PRKN: variants seen among roughly 807,000 people sequenced by gnomAD.
PRKN encodes E3 ubiquitin-protein ligase parkin.
In PRKN, 56 loss-of-function variants were observed where a neutral mutation model predicts 59.5. That is an observed-to-expected ratio of 0.94 (90% CI 0.76 to 1.18). The LOEUF is 1.18. PRKN is among the 50% of genes most tolerant of loss of function. PRKN has a pLI of 0.00. For synonymous variants in PRKN, 250 were observed against 222.1 expected (o/e 1.13, Z -1.12); for missense variants, 657 against 596.4 (o/e 1.10, Z -1.06).
intron 2 of PRKN, among the ~76,000 whole-genome samples, chr6:162,404,570 GTTT>G (rs1787967713): frequency 7.0e-6 from 1 of 141,946 alleles, no homozygotes; most frequent in African/African-American, 3.1e-5. Flanking sequence ...TGGGTTTTTG[GTTT>G]GTTTGTTTCA....
rs1438522412 is a variant in PRKN at position 161,451,923 on chromosome 6, TTTTTCTTTTCTTTTCTTTTACTTTTTTC to T, written c.1084-65074_1084-65047del. 6.8e-6 allele frequency among the ~76,000 whole-genome samples: 1 copy of T among 146,852 alleles called. No individual in the cohort carries two copies. Among genetic ancestry groups the T allele is most frequent in the South Asian group, 2.1e-4 (1 of 4,810 alleles). On this transcript the variant is annotated intron_variant, in intron 9 of 11. Coordinates refer to ENST00000366898, the MANE Select transcript of PRKN (RefSeq NM_004562.3). The surrounding 1 kb of genome is among the most constrained non-coding windows in gnomAD (Gnocchi z 5.9). ...AAATTTAAGACATTCTTTTTTTTCT[TTTTTCTTTTCTTTTCTTTTACTTTTTTC>T]TTTTCTTTTCTTTTCTTTTTTTGGG...
intron 1 of PRKN, among the ~76,000 whole-genome samples, chr6:162,650,736 C>T (rs1392525074): frequency 6.6e-6 from 1 of 151,966 alleles, no homozygotes; most frequent in East Asian, 1.9e-4. Context: ...TAATGTTTTT[C>T]TCCATTGGCT....
intron 7 of PRKN, among the ~76,000 whole-genome samples, chr6:161,570,146 A>AATATAT (rs1554277877): frequency 2.9e-4 from 22 of 76,584 alleles, no homozygotes; most frequent in African/African-American, 1.3e-3. Flanking sequence ...AAAAAAAAAA[A>AATATAT]ATATATATAT....
rs1179047987 is a variant in PRKN, at chr6:161,391,435, TG to T, written c.1084-4559del. Among the ~76,000 whole-genome samples the T allele has an allele frequency of 6.0e-5, 9 of 149,450 alleles. No homozygotes were observed. The highest frequency in any genetic ancestry group is 7.5e-5 in the Non-Finnish European group (5 of 66,928). ...CAAATGTGATCCATTTCCGTAGAGT[TG>T]TTTTTTTTTTTCGAGAAATTTTAAA... is the stretch of plus-strand genomic sequence containing the variant. On this transcript the variant is annotated intron_variant, in intron 9 of 11. Coordinates refer to ENST00000366898, the MANE Select transcript of PRKN (RefSeq NM_004562.3). This position sits in a 1 kb window ranked among gnomAD's most constrained non-coding sequence, Gnocchi z 4.9.
intron 1 of PRKN, among the ~76,000 whole-genome samples, chr6:162,661,302 C>A (rs1161650928): frequency 1.3e-5 from 2 of 152,068 alleles, no homozygotes; most frequent in African/African-American, 4.8e-5. Flanking sequence ...TTGGCCACCA[C>A]TGACTTCAGT....
intron 6 of PRKN, among the ~76,000 whole-genome samples, chr6:161,788,873 T>C (rs1360837327): frequency 6.6e-6 from 1 of 152,218 alleles, no homozygotes; most frequent in African/African-American, 2.4e-5. Flanking sequence ...CACAGTCAAC[T>C]TGGATATATA....
chr6:162,569,707 C>T lies in PRKN; in HGVS notation c.8-126234G>A, dbSNP rs551583449. 724 of 585,628 alleles carry T rather than the reference C, an allele frequency of 1.2e-3. 6 individuals are homozygous for T. The highest frequency in any genetic ancestry group is 0.012 in the South Asian group (699 of 60,312). 36.3% of individuals were successfully genotyped at this position (585,628 alleles called of 1,614,324 possible). On this transcript the variant is annotated intron_variant, in intron 1 of 11. Coordinates refer to ENST00000366898, the MANE Select transcript of PRKN (RefSeq NM_004562.3). ...GCGATGGGAAGCTGGTATCCGAGTC[C>T]TCTGATGTCCTTCCTAAGTGAACAG...
At chr6:161,621,069 T>A (rs1582902089) in intron 7 of PRKN, among the ~76,000 whole-genome samples, 1 of 152,026 alleles carries the variant, frequency 6.6e-6, no homozygotes, top group East Asian at 1.9e-4. Context: ...ATGCTTACCA[T>A]CAATGCCCCT....
At chr6:162,195,429 C>G (rs935590369) in intron 4 of PRKN, among the ~76,000 whole-genome samples, 1 of 152,192 alleles carries the variant, frequency 6.6e-6, no homozygotes, top group Non-Finnish European at 1.5e-5. Flanking sequence ...TCCTGGCCAA[C>G]AATTAATCTG....
intron 9 of PRKN, among the ~76,000 whole-genome samples, chr6:161,519,800 TAGAGGA>T (rs1262121311): frequency 6.6e-6 from 1 of 152,178 alleles, no homozygotes; most frequent in Non-Finnish European, 1.5e-5. Flanking sequence ...TTAGAGAATC[TAGAGGA>T]AATAGAGTGG....
At chr6:161,775,698 C>T (rs9458366) in intron 7 of PRKN, among the ~76,000 whole-genome samples, 57,825 of 151,952 alleles carry the variant, frequency 0.38, 11,371 homozygotes, top group South Asian at 0.48. Context: ...TTTAGGAGAG[C>T]AATGTTCGAA....
chr6:162,584,527 A>T (rs1780930174), intron 1 of PRKN, among the ~76,000 whole-genome samples: 1 of 152,084 alleles, frequency 6.6e-6, no homozygotes, highest in Admixed American at 6.6e-5. Flanking sequence ...AATCAGAATA[A>T]TTCCCCTTGC....
At chr6:161,921,269 G>A (rs1778776486) in intron 6 of PRKN, among the ~76,000 whole-genome samples, 1 of 152,084 alleles carries the variant, frequency 6.6e-6, no homozygotes. Flanking sequence ...CCCACTGGAA[G>A]GTCTTCAGGG....
At chr6:162,123,250 C>T (rs1395134183) in intron 4 of PRKN, among the ~76,000 whole-genome samples, 1 of 151,810 alleles carries the variant, frequency 6.6e-6, no homozygotes, top group Non-Finnish European at 1.5e-5. Flanking sequence ...ACTATGGCAA[C>T]CAATAAAGAT....
chr6:161,580,898 T>C (rs1219566926), intron 7 of PRKN, among the ~76,000 whole-genome samples: 1 of 152,118 alleles, frequency 6.6e-6, no homozygotes, highest in Non-Finnish European at 1.5e-5. Context: ...TCTGTGTTTG[T>C]GTATTTACAA....
At chr6:161,721,488 C>T (rs1787218653) in intron 7 of PRKN, among the ~76,000 whole-genome samples, 1 of 152,084 alleles carries the variant, frequency 6.6e-6, no homozygotes, top group Non-Finnish European at 1.5e-5. Context: ...ATAGAGGACA[C>T]TAGAGCTTTA....
In PRKN at chr6:162,222,158, T is replaced by C. The variant is rs549247692; in HGVS notation, c.413-20906A>G. On this transcript the variant is annotated intron_variant, in intron 3 of 11. Coordinates refer to ENST00000366898, the MANE Select transcript of PRKN (RefSeq NM_004562.3). ...CAAAATTCCAGCCCCCTAATATACATGTCCTATGTAAGTAACCCTCTCGCC... is the reference window on the plus strand; with the variant it reads ...CAAAATTCCAGCCCCCTAATATACACGTCCTATGTAAGTAACCCTCTCGCC... Among the ~76,000 whole-genome samples the C allele has an allele frequency of 1.2e-4, 18 of 152,222 alleles. No homozygotes were observed. In the South Asian group the frequency reaches 2.9e-3, roughly 25 times the overall value.
chr6:161,440,186 C>T lies in PRKN; in HGVS notation c.1084-53309G>A, dbSNP rs1253881999. 6.6e-6 allele frequency among the ~76,000 whole-genome samples: 1 copy of T among 152,032 alleles called. No homozygotes were observed. The highest frequency in any genetic ancestry group is 1.5e-5 in the Non-Finnish European group (1 of 68,016). On this transcript the variant is annotated intron_variant, in intron 9 of 11. Coordinates refer to ENST00000366898, the MANE Select transcript of PRKN (RefSeq NM_004562.3). This position sits in a 1 kb window ranked among gnomAD's most constrained non-coding sequence, Gnocchi z 4.1. ...GCCAGGATGCTCTCCATCTCCTGAC[C>T]TCGTGATCCGCCCGTCTCGGCCTCC...
intron 6 of PRKN, among the ~76,000 whole-genome samples, chr6:161,958,957 T>G (rs192954998): frequency 2.0e-5 from 3 of 152,300 alleles, no homozygotes; most frequent in East Asian, 3.9e-4. Context: ...CATAGTTGAA[T>G]CTGACTGTTT....
Sources: allele counts gnomAD v4.1 joint callset (sites outside exome capture counted in the v4.1 genomes callset), GRCh38; gene constraint gnomAD v4.1.1; non-coding constraint Gnocchi (gnomAD v3.1); transcripts MANE v1.5; gene names NCBI Gene and HGNC (gene_info 2026-07-23, HGNC 2026-07-21).